FRK: variants seen among roughly 807,000 people sequenced by gnomAD.
The protein encoded by FRK is tyrosine-protein kinase FRK.
A neutral mutation model predicts 56.4 loss-of-function variants in FRK; 51 were observed. That is an observed-to-expected ratio of 0.90 (90% CI 0.72 to 1.14). The LOEUF (loss-of-function observed/expected upper bound fraction) is 1.14. Ranked by LOEUF, FRK falls within the 50% of genes most tolerant of loss-of-function variation. The probability of loss-of-function intolerance (pLI) is 0.00; values close to 1 mark genes in which losing one functional copy is unlikely to be tolerated. For synonymous variants in FRK, 245 were observed against 217.9 expected (o/e 1.12, Z -1.10); for missense variants, 570 against 601.4 (o/e 0.95, Z 0.55).
intron 1 of FRK, among the ~76,000 whole-genome samples, chr6:116,009,542 TCA>T (rs1416906926): frequency 6.6e-6 from 1 of 152,026 alleles, no homozygotes; most frequent in African/African-American, 2.4e-5. Context: ...CCACAACTAC[TCA>T]CACACACACA....
In FRK at chr6:115,934,489, A is replaced by G. The variant is rs993029062; in HGVS notation, c.*7925T>C. ...AACCCCAGTTTTGCCATTGATAGCC[A>G]TCTGTGACCCTGGGAAGGAGGGCAA... On this transcript the variant is annotated 3_prime_UTR_variant, in exon 8 of 8. Transcript: ENST00000606080. The G allele has an allele frequency of 3.3e-5, 5 of 152,234 alleles. No homozygotes were observed. Among genetic ancestry groups the G allele is most frequent in the African/African-American group, 1.2e-4 (5 of 41,454 alleles). 9.4% of individuals were successfully genotyped at this position (152,234 alleles called of 1,614,324 possible). A position where few individuals can be genotyped will look rare whatever the true frequency, so the allele number is the denominator to read the frequency against.
chr6:115,980,455 T>G (rs1406223088), intron 2 of FRK, among the ~76,000 whole-genome samples: 1 of 152,162 alleles, frequency 6.6e-6, no homozygotes, highest in Admixed American at 6.6e-5. Flanking sequence ...CCTGTACTAC[T>G]AAAGGAATCC....
chr6:115,985,944 T>C (rs957229575), intron 2 of FRK, among the ~76,000 whole-genome samples: 1 of 79,972 alleles, frequency 1.3e-5, no homozygotes, highest in African/African-American at 3.7e-5. Context: ...ATATTATACA[T>C]ATATTTTATA....
chr6:115,995,173 A>G (rs544672474), intron 2 of FRK, among the ~76,000 whole-genome samples: 73 of 152,296 alleles, frequency 4.8e-4, no homozygotes, highest in Non-Finnish European at 4.9e-4. Flanking sequence ...TCATTGGTTG[A>G]TAGACTTAGT....
At chr6:116,046,629 A>C (rs1483502059) in intron 1 of FRK, among the ~76,000 whole-genome samples, 1 of 151,502 alleles carries the variant, frequency 6.6e-6, no homozygotes, top group Admixed American at 6.6e-5. Flanking sequence ...CAGGGCCTGC[A>C]GGGGGGTAGG....
At chr6:116,063,074 T>C (rs1030128795), upstream of FRK, among the ~76,000 whole-genome samples, 3 of 152,142 alleles carry the variant, frequency 2.0e-5, no homozygotes, top group East Asian at 1.9e-4. Context: ...GTTTTTATAA[T>C]AGTAACAATG....
intron 5 of FRK, among the ~76,000 whole-genome samples, chr6:115,955,048 C>T (rs1475835673): frequency 6.6e-6 from 1 of 151,786 alleles, no homozygotes; most frequent in Non-Finnish European, 1.5e-5. Flanking sequence ...GTATGATTCT[C>T]AAGTAAAGGG....
At position 115,949,064 on chromosome 6, in the gene FRK, C is replaced by T. The variant is rs577632041; in HGVS notation, c.959-4639G>A. On this transcript the variant is annotated intron_variant, in intron 5 of 7. Coordinates refer to ENST00000606080, the MANE Select transcript of FRK (RefSeq NM_002031.3). ...TGTAGCAACTGCAAAAGGGAGTTTG[C>T]TCATGATTTGGCTCTCTGTTTTTCT... is the stretch of plus-strand genomic sequence containing the variant. Among the ~76,000 whole-genome samples, 24 of 152,250 alleles carry T rather than the reference C, an allele frequency of 1.6e-4. No individual in the cohort carries two copies. The East Asian group carries it at 4.1e-3, about 26-fold the overall frequency.
At chr6:116,035,658 C>T (rs1002314484) in intron 1 of FRK, among the ~76,000 whole-genome samples, 3 of 152,094 alleles carry the variant, frequency 2.0e-5, no homozygotes, top group Non-Finnish European at 2.9e-5. Flanking sequence ...TTGTCATACG[C>T]TGTATGTAGC....
chr6:116,056,562 A>C (rs995577346), intron 1 of FRK, among the ~76,000 whole-genome samples: 10 of 152,322 alleles, frequency 6.6e-5, no homozygotes, highest in African/African-American at 2.2e-4. Context: ...ATTTTGCAAT[A>C]CTTGAATTTT....
the FRK span, among the ~76,000 whole-genome samples, chr6:116,090,368 G>A: frequency 6.6e-6 from 1 of 152,218 alleles, no homozygotes; most frequent in African/African-American, 2.4e-5. Flanking sequence ...CACATCTAGA[G>A]ACAGGGTCTG....
intron 1 of FRK, among the ~76,000 whole-genome samples, chr6:116,010,486 A>C (rs1338383805): frequency 1.3e-5 from 2 of 152,362 alleles, no homozygotes; most frequent in Non-Finnish European, 2.9e-5. Flanking sequence ...TGATAGATAC[A>C]GGAAAAAATC....
chr6:116,039,022 G>A (rs1776605954), intron 1 of FRK: 8 of 741,788 alleles, frequency 1.1e-5, no homozygotes, highest in South Asian at 6.7e-5. Context: ...AAAGCCAATC[G>A]AGGGTCCTGG....
the FRK span, among the ~76,000 whole-genome samples, chr6:116,075,508 AG>A: frequency 6.6e-6 from 1 of 151,452 alleles, no homozygotes; most frequent in Admixed American, 6.6e-5. Flanking sequence ...TCCTCCCAGA[AG>A]TTGGTACAAA....
chr6:116,095,114 C>T, the FRK span, among the ~76,000 whole-genome samples: 1 of 152,246 alleles, frequency 6.6e-6, no homozygotes, highest in African/African-American at 2.4e-5. Context: ...CTTAATCCAG[C>T]AGGTTTCCTA....
intron 1 of FRK, chr6:116,039,184 G>C: frequency 7.7e-7 from 1 of 1,297,894 alleles, no homozygotes; most frequent in Non-Finnish European, 1.1e-6. Flanking sequence ...GTTTGTTTTC[G>C]AGAAGAAAGA....
At chr6:116,052,379 G>T (rs990613881) in intron 1 of FRK, among the ~76,000 whole-genome samples, 1 of 152,060 alleles carries the variant, frequency 6.6e-6, no homozygotes, top group Non-Finnish European at 1.5e-5. Context: ...TTAAAGAAGA[G>T]GTGTCTCTGT....
chr6:115,989,109 C>G (rs932387845), intron 2 of FRK, among the ~76,000 whole-genome samples: 1 of 151,824 alleles, frequency 6.6e-6, no homozygotes, highest in Non-Finnish European at 1.5e-5. Flanking sequence ...CTGGCACTTT[C>G]TAGCTATCCA....
intron 1 of FRK, among the ~76,000 whole-genome samples, chr6:116,044,039 A>T (rs1399703162): frequency 6.6e-6 from 1 of 152,220 alleles, no homozygotes; most frequent in Non-Finnish European, 1.5e-5. Flanking sequence ...AACCAGAAAG[A>T]AGTTGAATGC....
Sources: gnomAD v4.1 joint callset for allele counts (sites outside exome capture counted in the v4.1 genomes callset) on GRCh38, gnomAD v4.1.1 for gene constraint, MANE v1.5 for transcripts, NCBI Gene and HGNC (gene_info 2026-07-23, HGNC 2026-07-21) for gene names.